The following SOX5 variants were observed in gnomAD, a reference collection of about 807,000 sequenced individuals.
The protein encoded by SOX5 is transcription factor SOX-5.
In SOX5, 9 loss-of-function variants were observed where a neutral mutation model predicts 92.0. The ratio of observed to expected loss-of-function variants is 0.10; its 90% confidence interval spans 0.06 to 0.17. The LOEUF (loss-of-function observed/expected upper bound fraction) is 0.17. Among genes scored for constraint, SOX5 ranks in the 10% least tolerant of loss-of-function variants. The pLI, the probability that SOX5 is intolerant of heterozygous loss-of-function variation, is 1.00. For missense variants in SOX5, 642 were observed against 944.5 expected (o/e 0.68, Z 4.20); for synonymous variants, 344 against 336.3 (o/e 1.02, Z -0.25).
intron 7 of SOX5, 58 bp downstream of exon 7, chr12:23,665,386 G>T: frequency 3.2e-6 from 5 of 1,569,500 alleles, no homozygotes; most frequent in Non-Finnish European, 4.4e-6. Context: ...ATATTAAATT[G>T]CCTAATTTAA....
chr12:24,013,840 T>C (rs762711411), intron 4 of SOX5, among the ~76,000 whole-genome samples: 2 of 152,210 alleles, frequency 1.3e-5, no homozygotes, highest in African/African-American at 4.8e-5. Flanking sequence ...TCTAAGACCA[T>C]TTATACATCC....
chr12:23,770,804 A>C (rs34223790), intron 3 of SOX5, among the ~76,000 whole-genome samples: 16,335 of 152,264 alleles, frequency 0.11, 974 homozygotes, highest in Non-Finnish European at 0.14. Flanking sequence ...CAAAATCTTC[A>C]CTGACTTATT....
chr12:24,087,756 C>A (rs1401688165), intron 4 of SOX5, among the ~76,000 whole-genome samples: 1 of 142,406 alleles, frequency 7.0e-6, no homozygotes, highest in African/African-American at 2.5e-5. Flanking sequence ...TTTCTAGGAG[C>A]AGATTGTTAA....
intron 1 of SOX5, among the ~76,000 whole-genome samples, chr12:24,477,509 C>A (rs1945526093): frequency 6.6e-6 from 1 of 152,002 alleles, no homozygotes; most frequent in East Asian, 1.9e-4. Context: ...AAATTTACCA[C>A]CTGAATGTTG....
intron 13 of SOX5, among the ~76,000 whole-genome samples, chr12:23,542,731 C>G (rs1942350075): frequency 6.6e-6 from 1 of 152,196 alleles, no homozygotes; most frequent in African/African-American, 2.4e-5. Flanking sequence ...AGCACTGGAA[C>G]AAACATCTTC....
intron 1 of SOX5, among the ~76,000 whole-genome samples, chr12:24,532,866 C>A (rs1951313003): frequency 6.6e-6 from 1 of 152,116 alleles, no homozygotes; most frequent in Non-Finnish European, 1.5e-5. Flanking sequence ...GTTTTCAAAG[C>A]GAGCGTCATA....
chr12:24,054,848 T>G (rs1180532531), intron 4 of SOX5, among the ~76,000 whole-genome samples: 1 of 152,200 alleles, frequency 6.6e-6, no homozygotes, highest in African/African-American at 2.4e-5. Context: ...GGTATAACCT[T>G]GTTTAAAAGT....
At chr12:23,538,799 C>CTTTTTTTTTTTT (rs67268404) in intron 13 of SOX5, among the ~76,000 whole-genome samples, 3 of 108,148 alleles carry the variant, frequency 2.8e-5, no homozygotes, top group East Asian at 5.7e-4. Flanking sequence ...CCAGCATTTT[C>CTTTTTTTTTTTT]TTTTTTTTTT....
intron 6 of SOX5, among the ~76,000 whole-genome samples, chr12:23,721,586 C>T (rs1245596327): frequency 6.6e-6 from 1 of 152,122 alleles, no homozygotes; most frequent in African/African-American, 2.4e-5. Context: ...GGACCTGTAA[C>T]AGTTCGCAGA....
intron 4 of SOX5, among the ~76,000 whole-genome samples, chr12:23,961,184 T>C (rs1419233607): frequency 1.3e-5 from 2 of 152,164 alleles, no homozygotes; most frequent in Non-Finnish European, 2.9e-5. Flanking sequence ...CTAATGATAA[T>C]CCTGAATTTA....
chr12:24,363,398 A>G (rs149122336), intron 2 of SOX5, among the ~76,000 whole-genome samples: 18 of 152,244 alleles, frequency 1.2e-4, no homozygotes, highest in African/African-American at 4.3e-4. Flanking sequence ...TTGCAATTTG[A>G]TTGCCTCTGT....
chr12:24,468,172 C>T (rs1944425431), intron 1 of SOX5, among the ~76,000 whole-genome samples: 1 of 152,178 alleles, frequency 6.6e-6, no homozygotes, highest in South Asian at 2.1e-4. Flanking sequence ...ATGGGCCTTC[C>T]AGGGTTCTGG....
chr12:24,334,268 C>T lies in SOX5; in HGVS notation c.-174+34295G>A, dbSNP rs919646757. On this transcript the variant is annotated intron_variant, in intron 2 of 4. Coordinates refer to the SOX5 transcript ENST00000446891. ...ATTTTAGTGTAAACCTAAACATTTA[C>T]ATTGCATAAATTTAAAATTAAACGG... Among the ~76,000 whole-genome samples, 5 of 151,960 alleles carry T rather than the reference C, an allele frequency of 3.3e-5. No individual in the cohort carries two copies. In the South Asian group the frequency reaches 1.0e-3, roughly 32 times the overall value.
At chr12:24,015,098 CTCTCTCTCTCTT>C (rs1953441909) in intron 4 of SOX5, among the ~76,000 whole-genome samples, 1 of 151,924 alleles carries the variant, frequency 6.6e-6, no homozygotes, top group African/African-American at 2.4e-5. Context: ...CTTTCTGTCT[CTCTCTCTCTCTT>C]TCTCTCTCTC....
intron 1 of SOX5, among the ~76,000 whole-genome samples, chr12:24,532,772 T>G (rs149569997): frequency 9.2e-5 from 14 of 152,342 alleles, no homozygotes; most frequent in Non-Finnish European, 1.9e-4. Flanking sequence ...ACTCCAAGAA[T>G]CTGTTCCTAA....
At chr12:24,410,002 C>T (rs1005237064) in intron 1 of SOX5, among the ~76,000 whole-genome samples, 1 of 146,472 alleles carries the variant, frequency 6.8e-6, no homozygotes, top group Admixed American at 6.8e-5. Flanking sequence ...CACATAGCAA[C>T]TTTTTTTTTT....
chr12:24,239,538 G>A lies in SOX5; in HGVS notation c.-76-26121C>T, dbSNP rs553203497. On this transcript the variant is annotated intron_variant, in intron 3 of 4. Transcript: ENST00000446891. Reference sequence around the variant, plus strand: ...TGGGGAGAGAACATTAAAGGCAGAGGTGTCTCTTATAAGCACAACGTGTGA... The same window carrying A: ...TGGGGAGAGAACATTAAAGGCAGAGATGTCTCTTATAAGCACAACGTGTGA... Among the ~76,000 whole-genome samples the A allele has an allele frequency of 2.6e-5, 4 of 152,288 alleles. No homozygotes were observed. The East Asian group carries it at 7.7e-4, about 29-fold the overall frequency.
In SOX5 at chr12:24,250,117, G is replaced by A. The variant is rs536670333; in HGVS notation, c.-77+27099C>T. 1.7e-4 allele frequency among the ~76,000 whole-genome samples: 26 copies of A among 152,242 alleles called. No homozygotes were observed. The South Asian group carries it at 4.6e-3, about 27-fold the overall frequency. On this transcript the variant is annotated intron_variant, in intron 3 of 4. Transcript: ENST00000446891. ...GATTCTAGAAATCCATCTAAACTGC[G>A]TATTCCCAAAATCACCTCTGGTTTG...
intron 1 of SOX5, among the ~76,000 whole-genome samples, chr12:24,371,713 CG>C (rs1372226538): frequency 6.6e-6 from 1 of 152,164 alleles, no homozygotes; most frequent in Non-Finnish European, 1.5e-5. Context: ...TTGTGCCAGG[CG>C]TGGTGGCTCA....
Sources: gnomAD v4.1 joint callset for allele counts (sites outside exome capture counted in the v4.1 genomes callset) on GRCh38, gnomAD v4.1.1 for gene constraint, MANE v1.5 for transcripts, NCBI Gene and HGNC (gene_info 2026-07-23, HGNC 2026-07-21) for gene names.